Variants in MYOF observed in about 807,000 individuals in gnomAD.
MYOF encodes fer-1-like 3, myoferlin.
A neutral mutation model predicts 284.2 loss-of-function variants in MYOF; 244 were observed. The ratio of observed to expected loss-of-function variants is 0.86; its 90% confidence interval spans 0.77 to 0.95. The LOEUF (loss-of-function observed/expected upper bound fraction) is 0.95, where lower values mean the gene tolerates loss of function less well. MYOF is among the 40% of genes least tolerant of loss of function. The pLI, the probability that MYOF is intolerant of heterozygous loss-of-function variation, is 0.00. For synonymous variants in MYOF, 904 were observed against 919.7 expected (o/e 0.98, Z 0.31); for missense variants, 2,496 against 2,560.6 (o/e 0.97, Z 0.54).
At chr10:93,336,194 C>T in intron 40 of MYOF, 148 bp from the exon 41 acceptor site, 2 of 821,236 alleles carry the variant, frequency 2.4e-6, no homozygotes, top group Non-Finnish European at 3.7e-6. Flanking sequence ...ACAGATACAA[C>T]CACTTTGGAA....
At chr10:93,371,303 T>A (rs1270943485) in intron 24 of MYOF, among the ~76,000 whole-genome samples, 1 of 152,208 alleles carries the variant, frequency 6.6e-6, no homozygotes, top group Non-Finnish European at 1.5e-5. Context: ...TAGTGTTATA[T>A]CAAAGATGAA....
chr10:93,431,453 C>T lies in MYOF; in HGVS notation c.300G>A (p.Pro100=), dbSNP rs756928666. 4.6e-5 allele frequency: 74 copies of T among 1,613,870 alleles called. No individual in the cohort carries two copies. Among genetic ancestry groups the T allele is most frequent in the Middle Eastern group, 1.6e-4 (1 of 6,084 alleles). ...CATTTAGCAGGGAGATCAGCTTGTA[C>T]GGCAGGGATCTGCTCTGGTCACCAG... ...DLTGDQSRSL[P]YKLISLLNEK... is the part of the protein sequence containing the mutation. The change falls in exon 4 of 54, where the codon CCG becomes CCA. Residue 100 remains proline, a synonymous_variant. Transcript: ENST00000359263.
chr10:93,353,678 A>C (rs990960071), intron 32 of MYOF, 133 bp downstream of exon 32: 2 of 655,180 alleles, frequency 3.1e-6, no homozygotes, highest in Admixed American at 3.0e-5. Flanking sequence ...AGTTTGCTTC[A>C]AGCATGCAAA....
At chr10:93,333,376 G>T in intron 42 of MYOF, 64 bp from the exon 43 acceptor site, 1 of 1,411,820 alleles carries the variant, frequency 7.1e-7, no homozygotes, top group Non-Finnish European at 1.0e-6. Context: ...CAAGTTCAGG[G>T]ACAGACTCAG....
At position 93,379,761 on chromosome 10, in the gene MYOF, A is replaced by G. The variant is rs368652483; in HGVS notation, c.2001+102T>C. 1.2e-4 allele frequency: 176 copies of G among 1,418,818 alleles called. No homozygotes were observed. In the African/African-American group the frequency reaches 2.2e-3, roughly 18 times the overall value. 87.9% of individuals were successfully genotyped at this position (1,418,818 alleles called of 1,614,324 possible). ...AGACATTGCTCTTACCTTATTGATC[A>G]CTGTACTAAGCACTTTCTTGTGTTA... On this transcript the variant is annotated intron_variant, in intron 21 of 53. Transcript: ENST00000359263.
chr10:93,448,158 G>A (rs994544764), intron 3 of MYOF, among the ~76,000 whole-genome samples: 72 of 152,120 alleles, frequency 4.7e-4, no homozygotes, highest in African/African-American at 1.7e-3. Flanking sequence ...TCCTGCCTCA[G>A]GGCCTTTGCA....
intron 3 of MYOF, among the ~76,000 whole-genome samples, chr10:93,441,508 T>C (rs1328495477): frequency 6.6e-6 from 1 of 151,306 alleles, no homozygotes; most frequent in Admixed American, 6.6e-5. Context: ...CCTCAGTCTC[T>C]GGAGTAGCTG....
chr10:93,319,776 A>C (rs1692141223), intron 49 of MYOF, 96 bp downstream of exon 49: 1 of 1,524,784 alleles, frequency 6.6e-7, no homozygotes, highest in South Asian at 1.2e-5. Flanking sequence ...GGACTCAGTG[A>C]CCTCCGAGAT....
intron 43 of MYOF, among the ~76,000 whole-genome samples, chr10:93,331,990 G>A (rs998711794): frequency 3.3e-5 from 5 of 152,116 alleles, no homozygotes; most frequent in East Asian, 1.9e-4. Context: ...TCACCAAGGC[G>A]GTTGGAAAAG....
intron 50 of MYOF, 144 bp from the exon 51 acceptor site, chr10:93,313,354 G>T: frequency 1.4e-6 from 1 of 723,504 alleles, no homozygotes; most frequent in Non-Finnish European, 2.1e-6. Context: ...GGAGCCTGGT[G>T]GACATTTAAA....
At position 93,310,637 on chromosome 10, in the gene MYOF, C is replaced by T. The variant is rs758105628; in HGVS notation, c.5896G>A (p.Val1966Met). 6.2e-7 allele frequency: 1 copy of T among 1,614,048 alleles called. No individual in the cohort carries two copies. Among genetic ancestry groups the T allele is most frequent in the Non-Finnish European group, 8.5e-7 (1 of 1,180,018 alleles). ...KDGARVMAGK[V>M]EMTLEILNEK... is the part of the protein sequence containing the mutation. The stretch of plus-strand genomic sequence containing the variant: ...TTGAGGATTTCCAATGTCATCTCCA[C>T]TTTCCCCTTCAGTAAAGCAGAGCAG... The change falls in exon 52 of 54, where the codon GTG (valine) becomes ATG (methionine). Residue 1966 changes from valine (V) to methionine (M), a missense_variant. By Grantham distance (21) the Val-to-Met change is conservative. Around this residue, in one of 3 missense-constraint regions of MYOF, gnomAD observed 2,436 missense variants for 2,480.7 expected, o/e 0.98. Transcript: ENST00000359263.
chr10:93,409,350 ATAG>A (rs1484955747), intron 6 of MYOF, among the ~76,000 whole-genome samples: 5 of 152,194 alleles, frequency 3.3e-5, no homozygotes, highest in Non-Finnish European at 7.3e-5. Flanking sequence ...AAGGAGAATT[ATAG>A]TTTTATTTCT....
intron 4 of MYOF, among the ~76,000 whole-genome samples, chr10:93,430,443 A>G (rs1848790390): frequency 1.3e-5 from 2 of 151,786 alleles, no homozygotes; most frequent in Admixed American, 6.6e-5. Context: ...TTAACTGGGC[A>G]TGGTGGCACG....
Position 93,415,554 on chromosome 10 carries a change from C to T in MYOF, c.434-5815G>A, listed in dbSNP as rs1185650418. Among the ~76,000 whole-genome samples, 3 of 152,222 alleles carry T rather than the reference C, an allele frequency of 2.0e-5. No homozygotes were observed. In the East Asian group the frequency reaches 5.8e-4, roughly 29 times the overall value. On this transcript the variant is annotated intron_variant, in intron 5 of 53. Transcript: ENST00000359263. The stretch of plus-strand genomic sequence containing the variant: ...CTTCCAACACCCTTTCTATCTTTCT[C>T]ATTGTCCACTAATGACCTGGCTTCT...
At position 93,369,637 on chromosome 10, in the gene MYOF, A is replaced by G; in HGVS notation, c.2589+8T>C. 1 of 1,614,116 alleles carries G rather than the reference A, an allele frequency of 6.2e-7. No homozygotes were observed. Among genetic ancestry groups the G allele is most frequent in the Non-Finnish European group, 8.5e-7 (1 of 1,179,988 alleles). Reference sequence around the variant, plus strand: ...AAGAAGAAAAGATAGTGAAATCATTAAAGGTACCATTTCAGCAAAGACGGT... The same window carrying G: ...AAGAAGAAAAGATAGTGAAATCATTGAAGGTACCATTTCAGCAAAGACGGT... On this transcript the variant is annotated splice_region_variant and intron_variant, in intron 25 of 53. Transcript: ENST00000359263.
intron 23 of MYOF, among the ~76,000 whole-genome samples, chr10:93,374,364 G>A (rs746308931): frequency 6.6e-6 from 1 of 152,100 alleles, no homozygotes; most frequent in African/African-American, 2.4e-5. Context: ...GGAAACTGAG[G>A]CTCAGAGAGG....
rs770620728 is a variant in MYOF at position 93,313,160 on chromosome 10, C to T, written c.5749G>A (p.Glu1917Lys). 6 of 1,614,010 alleles carry T rather than the reference C, an allele frequency of 3.7e-6. No individual in the cohort carries two copies. In the South Asian group the frequency reaches 6.6e-5, roughly 18 times the overall value. The part of the protein sequence containing the change: ...RHTIIPAKSP[E>K]KCRLDMIPDL... Reference sequence around the variant, plus strand: ...GGAATCATGTCCAATCTGCATTTCTCTGGTGATTTTGCAGGAATGATCGTG... The same window carrying T: ...GGAATCATGTCCAATCTGCATTTCTTTGGTGATTTTGCAGGAATGATCGTG... Residue 1917 changes from glutamate to lysine, a missense_variant, in exon 51 of 54, where the codon GAG becomes AAG. Physicochemically the swap from Glu to Lys is moderately conservative, Grantham distance 56. Coordinates refer to ENST00000359263, the MANE Select transcript of MYOF (RefSeq NM_013451.4).
Position 93,366,567 on chromosome 10 carries a change from G to A in MYOF, c.2590-12C>T. The A allele has an allele frequency of 6.3e-7, 1 of 1,583,674 alleles. No individual in the cohort carries two copies. The highest frequency in any genetic ancestry group is 2.2e-5 in the East Asian group (1 of 44,544). On this transcript the variant is annotated splice_polypyrimidine_tract_variant and intron_variant, in intron 25 of 53. Coordinates refer to ENST00000359263, the MANE Select transcript of MYOF (RefSeq NM_013451.4). ...GCTTGATTTTCATACTATTAAAAAAGAGATAAAATTGGAGAAACACCATCA... is the reference window on the plus strand; with the variant it reads ...GCTTGATTTTCATACTATTAAAAAAAAGATAAAATTGGAGAAACACCATCA...
At chr10:93,405,847 G>C (rs1480691241) in intron 7 of MYOF, among the ~76,000 whole-genome samples, 3 of 149,194 alleles carry the variant, frequency 2.0e-5, no homozygotes, top group Non-Finnish European at 4.4e-5. Context: ...GCCCAGGCTG[G>C]AGTGCAGTGG....
Sources: allele counts gnomAD v4.1 joint callset (sites outside exome capture counted in the v4.1 genomes callset), GRCh38; gene constraint gnomAD v4.1.1; regional missense constraint gnomAD v4.1.1; transcripts MANE v1.5; gene names NCBI Gene and HGNC (gene_info 2026-07-23, HGNC 2026-07-21).